Variants in CERS6 observed in about 807,000 individuals in gnomAD.
CERS6 encodes the protein LAG1 homolog, ceramide synthase 6.
In CERS6, 26 loss-of-function variants were observed where a neutral mutation model predicts 56.8. That is an observed-to-expected ratio of 0.46 (90% CI 0.34 to 0.63). The LOEUF is 0.63. CERS6 is among the 30% of genes least tolerant of loss of function. CERS6 has a pLI of 0.01. For synonymous variants in CERS6, 164 were observed against 173.3 expected, an observed-to-expected ratio of 0.95 and a Z score of 0.42; for missense variants, 415 against 467.5, an observed-to-expected ratio of 0.89 and a Z score of 1.04.
At chr2:168,669,918 G>T (rs1685866216) in intron 4 of CERS6, among the ~76,000 whole-genome samples, 1 of 152,178 alleles carries the variant, frequency 6.6e-6, no homozygotes, top group Non-Finnish European at 1.5e-5. Flanking sequence ...CAAACATATT[G>T]AAGAATTAAG....
chr2:168,700,788 G>A (rs896097712), intron 6 of CERS6, among the ~76,000 whole-genome samples: 8 of 152,204 alleles, frequency 5.3e-5, no homozygotes, highest in Admixed American at 5.2e-4. Context: ...TGTGTTGTAA[G>A]TGTAAATAAG....
intron 4 of CERS6, among the ~76,000 whole-genome samples, chr2:168,650,703 T>A (rs2105316956): frequency 6.6e-6 from 1 of 152,116 alleles, no homozygotes; most frequent in East Asian, 1.9e-4. Context: ...TTGCCAGAAG[T>A]CCACTAGATC....
At chr2:168,584,527 G>A (rs1159120373) in intron 3 of CERS6, among the ~76,000 whole-genome samples, 1 of 152,020 alleles carries the variant, frequency 6.6e-6, no homozygotes, top group Non-Finnish European at 1.5e-5. Flanking sequence ...ACTAAATTTG[G>A]CCACACATTC....
intron 6 of CERS6, among the ~76,000 whole-genome samples, chr2:168,705,160 C>T (rs957133387): frequency 4.6e-5 from 7 of 152,240 alleles, no homozygotes; most frequent in African/African-American, 9.6e-5. Flanking sequence ...GTGGCATTCC[C>T]GTGCCTCAGT....
chr2:168,761,589 T>G (rs1461323549), intron 8 of CERS6, among the ~76,000 whole-genome samples: 1 of 152,236 alleles, frequency 6.6e-6, no homozygotes, highest in Non-Finnish European at 1.5e-5. Context: ...AAAATTATTC[T>G]TATTATTCCA....
At chr2:168,701,566 A>C (rs1014777350) in intron 6 of CERS6, among the ~76,000 whole-genome samples, 3 of 152,208 alleles carry the variant, frequency 2.0e-5, no homozygotes, top group African/African-American at 7.2e-5. Context: ...AAAGAAAAAA[A>C]TGTCAGTTTC....
chr2:168,590,811 A>G (rs944726692), intron 3 of CERS6, among the ~76,000 whole-genome samples: 1 of 152,178 alleles, frequency 6.6e-6, no homozygotes, highest in African/African-American at 2.4e-5. Flanking sequence ...TTCTCATTTT[A>G]TAGACAAGGA....
At chr2:168,691,227 C>A in intron 5 of CERS6, 143 bp downstream of exon 5, 1 of 713,438 alleles carries the variant, frequency 1.4e-6, no homozygotes, top group African/African-American at 1.8e-5. Flanking sequence ...TGGACATAAT[C>A]TAGTGAGGAT....
chr2:168,505,407 A>G (rs1694659529), intron 1 of CERS6, among the ~76,000 whole-genome samples: 3 of 151,566 alleles, frequency 2.0e-5, no homozygotes, highest in Admixed American at 6.6e-5. Flanking sequence ...AAAAAGAAAA[A>G]AAAAGAAATA....
At chr2:168,581,687 T>C (rs1276927267) in intron 3 of CERS6, among the ~76,000 whole-genome samples, 6 of 152,208 alleles carry the variant, frequency 3.9e-5, no homozygotes, top group Non-Finnish European at 7.3e-5. Flanking sequence ...CAGATACTTT[T>C]TATGTGGTCT....
At chr2:168,537,226 A>G (rs1022732730) in intron 1 of CERS6, among the ~76,000 whole-genome samples, 10 of 152,210 alleles carry the variant, frequency 6.6e-5, no homozygotes, top group Non-Finnish European at 1.3e-4. Flanking sequence ...CTGATACATA[A>G]TAGATGCTCA....
chr2:168,512,532 TA>T (rs1694806790), intron 1 of CERS6, among the ~76,000 whole-genome samples: 1 of 152,314 alleles, frequency 6.6e-6, no homozygotes, highest in South Asian at 2.1e-4. Context: ...TAATCTTTTT[TA>T]AAACTTCAAG....
At chr2:168,663,725 A>G (rs914124744) in intron 4 of CERS6, among the ~76,000 whole-genome samples, 1 of 152,232 alleles carries the variant, frequency 6.6e-6, no homozygotes, top group African/African-American at 2.4e-5. Flanking sequence ...AACATTATGT[A>G]GATCCACCGT....
chr2:168,617,321 GA>G (rs1166296686), intron 3 of CERS6, among the ~76,000 whole-genome samples: 3 of 152,030 alleles, frequency 2.0e-5, no homozygotes, highest in Non-Finnish European at 4.4e-5. Flanking sequence ...ACACTTCAAG[GA>G]ACTGGAGTAG....
rs1232702974 is a variant in CERS6 at position 168,456,807 on chromosome 2, T to TG, written c.170+189_170+190insG. Reference sequence around the variant, plus strand: ...TTCTGGGAGCCAGAAAGGGTCTGGCTTGCCACGGATTTCCTCCCGGGCGCC... The same window carrying TG: ...TTCTGGGAGCCAGAAAGGGTCTGGCTGTGCCACGGATTTCCTCCCGGGCGCC... On this transcript the variant is annotated intron_variant, in intron 1 of 9. Transcript: ENST00000305747. The surrounding 1 kb of genome is among the most constrained non-coding windows in gnomAD (Gnocchi z 4.1). Among the ~76,000 whole-genome samples the TG allele has an allele frequency of 2.6e-5, 4 of 152,108 alleles. No homozygotes were observed. The highest frequency in any genetic ancestry group is 9.7e-5 in the African/African-American group (4 of 41,442).
At chr2:168,662,539 G>T (rs1025998520) in intron 4 of CERS6, among the ~76,000 whole-genome samples, 1 of 152,148 alleles carries the variant, frequency 6.6e-6, no homozygotes, top group Admixed American at 6.5e-5. Context: ...GACCAGCCTG[G>T]CCAACATGGT....
rs543362705 is a variant in CERS6, at chr2:168,617,207, C to T, written c.408-13778C>T. Among the ~76,000 whole-genome samples the T allele has an allele frequency of 2.3e-4, 35 of 152,188 alleles. No individual in the cohort carries two copies. The South Asian group carries it at 2.5e-3, about 11-fold the overall frequency. On this transcript the variant is annotated intron_variant, in intron 3 of 9. Transcript: ENST00000305747. ...GAATGACAATAGTGGCTCAACCTGTCAAAACCTCTGGGATACAGCAAAGGT... is the reference window on the plus strand; with the variant it reads ...GAATGACAATAGTGGCTCAACCTGTTAAAACCTCTGGGATACAGCAAAGGT...
chr2:168,466,205 A>T (rs1264593191), intron 1 of CERS6, among the ~76,000 whole-genome samples: 1 of 152,156 alleles, frequency 6.6e-6, no homozygotes, highest in East Asian at 1.9e-4. Flanking sequence ...ATTTGTTAAT[A>T]TGACAACTTA....
At chr2:168,704,901 C>T (rs1469226368) in intron 6 of CERS6, among the ~76,000 whole-genome samples, 1 of 152,200 alleles carries the variant, frequency 6.6e-6, no homozygotes, top group Non-Finnish European at 1.5e-5. Flanking sequence ...CCCGGCCGCA[C>T]CTTTGTTCTT....
Sources: allele counts gnomAD v4.1 joint callset (sites outside exome capture counted in the v4.1 genomes callset), GRCh38; gene constraint gnomAD v4.1.1; non-coding constraint Gnocchi (gnomAD v3.1); transcripts MANE v1.5; gene names NCBI Gene and HGNC (gene_info 2026-07-23, HGNC 2026-07-21).